The following DUT variants were observed in gnomAD, a reference collection of about 807,000 sequenced individuals.
DUT encodes deoxyuridine 5'-triphosphate nucleotidohydrolase, mitochondrial.
In DUT, 21 loss-of-function variants were observed where a neutral mutation model predicts 28.8. The ratio of observed to expected loss-of-function variants is 0.73; its 90% CI spans 0.52 to 1.05. The LOEUF (loss-of-function observed/expected upper bound fraction) is 1.05, where lower values mean the gene tolerates loss of function less well. Ranked by LOEUF, DUT falls within the 50% of genes least tolerant of loss-of-function variation. DUT has a pLI of 0.00. For synonymous variants in DUT, 147 were observed against 143.7 expected (o/e 1.02, Z -0.17); for missense variants, 344 against 351.8 (o/e 0.98, Z 0.18).
At chr15:48,334,306 C>T in intron 2 of DUT, 111 bp from the exon 3 acceptor site, 1 of 591,766 alleles carries the variant, frequency 1.7e-6, no homozygotes, top group Non-Finnish European at 2.7e-6. Flanking sequence ...ACTAAAGTTG[C>T]ATTAATTCAT....
rs137858655 is a variant in DUT at position 48,334,685 on chromosome 15, C to G, written c.511+177C>G. On this transcript the variant is annotated intron_variant, in intron 3 of 6. Transcript: ENST00000331200. The stretch of plus-strand genomic sequence containing the variant: ...CTTTATTTACATCTCTGCTTTGCCT[C>G]TTTTTGACCCTTTTATTTTTCTCCT... 1.4e-4 allele frequency among the ~76,000 whole-genome samples: 22 copies of G among 152,310 alleles called. No individual in the cohort carries two copies. In the East Asian group the frequency reaches 3.9e-3, roughly 27 times the overall value.
chr15:48,331,821 G>T (rs974032761), intron 1 of DUT, 26 bp downstream of exon 1: 1 of 1,353,800 alleles, frequency 7.4e-7, no homozygotes, highest in South Asian at 1.8e-5. Flanking sequence ...GAGGGGCTCC[G>T]GCCGTCTGGA....
chr15:48,335,865 T>G (rs368368401), intron 3 of DUT, among the ~76,000 whole-genome samples, 181 bp from the exon 4 acceptor site: 18 of 152,350 alleles, frequency 1.2e-4, no homozygotes, highest in East Asian at 3.9e-4. Flanking sequence ...AAACTAGTCT[T>G]TCCAACTTTG....
intron 2 of DUT, 40 bp from the exon 3 acceptor site, chr15:48,334,377 T>C (rs368212041): frequency 3.9e-5 from 52 of 1,338,644 alleles, no homozygotes; most frequent in African/African-American, 5.9e-5. Flanking sequence ...AACAATTTTA[T>C]AAATAGATTT....
At chr15:48,334,896 G>T (rs2141160731) in intron 3 of DUT, among the ~76,000 whole-genome samples, 1 of 152,328 alleles carries the variant, frequency 6.6e-6, no homozygotes, top group African/African-American at 2.4e-5. Context: ...GCACTGGGAG[G>T]AGCTAGGACA....
intron 2 of DUT, 139 bp downstream of exon 2, chr15:48,332,545 CT>C (rs1429514218): frequency 2.0e-5 from 17 of 837,546 alleles, no homozygotes; most frequent in Non-Finnish European, 2.8e-5. Flanking sequence ...AAAATTTTAG[CT>C]TTCATCTTTG....
chr15:48,335,371 T>G (rs2042463894), intron 3 of DUT, among the ~76,000 whole-genome samples: 1 of 152,228 alleles, frequency 6.6e-6, no homozygotes, highest in South Asian at 2.1e-4. Flanking sequence ...TTTCATTTTT[T>G]AGGATTAAAA....
chr15:48,336,547 AC>A, intron 4 of DUT, among the ~76,000 whole-genome samples: 1 of 152,214 alleles, frequency 6.6e-6, no homozygotes, highest in Non-Finnish European at 1.5e-5. Flanking sequence ...CTCAAAGTTA[AC>A]CCTACCTCAT....
At chr15:48,337,559 G>C (rs147457363) in intron 4 of DUT, among the ~76,000 whole-genome samples, 9 of 152,312 alleles carry the variant, frequency 5.9e-5, no homozygotes, top group African/African-American at 2.2e-4. Flanking sequence ...GATTCTGTGA[G>C]ATATAATTTC....
At chr15:48,336,559 G>C (rs889344656) in intron 4 of DUT, among the ~76,000 whole-genome samples, 1 of 152,140 alleles carries the variant, frequency 6.6e-6, no homozygotes, top group African/African-American at 2.4e-5. Flanking sequence ...CCTACCTCAT[G>C]TGGTACCTTT....
intron 4 of DUT, among the ~76,000 whole-genome samples, chr15:48,340,740 AG>A (rs2141168495): frequency 6.6e-6 from 1 of 152,330 alleles, no homozygotes; most frequent in South Asian, 2.1e-4. Context: ...TCAGATTAAA[AG>A]GAGAGGAAGA....
At chr15:48,340,146 G>A (rs1214079285) in intron 4 of DUT, 1 of 152,018 alleles carries the variant, frequency 6.6e-6, no homozygotes, top group Non-Finnish European at 1.5e-5. Context: ...CTTCATCAGG[G>A]CTTTTGTTTG....
chr15:48,333,180 G>A (rs920982228), intron 2 of DUT, among the ~76,000 whole-genome samples: 1 of 151,764 alleles, frequency 6.6e-6, no homozygotes, highest in African/African-American at 2.4e-5. Context: ...CCAAGCATTG[G>A]GATTTATTTT....
intron 2 of DUT, 45 bp from the exon 3 acceptor site, chr15:48,334,372 T>C: frequency 7.6e-7 from 1 of 1,322,716 alleles, no homozygotes; most frequent in Non-Finnish European, 1.0e-6. Context: ...ATAAAAACAA[T>C]TTTATAAATA....
At position 48,332,315 on chromosome 15, in the gene DUT, G is replaced by A. The variant is rs1259629972; in HGVS notation, c.328G>A (p.Gly110Ser). 1.2e-6 allele frequency: 2 copies of A among 1,608,902 alleles called. No individual in the cohort carries two copies. The highest frequency in any genetic ancestry group is 1.7e-6 in the Non-Finnish European group (2 of 1,178,426). Residue 110 changes from glycine to serine, a missense_variant, in exon 2 of 7, where the codon GGC becomes AGC. Gly to Ser is a moderately conservative substitution (Grantham distance 56). Coordinates refer to ENST00000331200, the MANE Select transcript of DUT (RefSeq NM_001025248.2). ...TAAGCGGGCCCGGCCTGCGGAGGTG[G>A]GCGGCATGCAGCTCCGCTTTGCCCG... ...PSKRARPAEV[G>S]GMQLRFARLS...
At position 48,331,739 on chromosome 15, in the gene DUT, C is replaced by A. The variant is rs1203304240; in HGVS notation, c.224C>A (p.Ala75Asp). The A allele has an allele frequency of 4.9e-6, 7 of 1,440,004 alleles. No individual in the cohort carries two copies. In the Admixed American group the frequency reaches 8.3e-5, roughly 17 times the overall value. 89.2% of individuals were successfully genotyped at this position (1,440,004 alleles called of 1,614,324 possible). The change falls in exon 1 of 7, where the codon GCC becomes GAC. Residue 75 changes from alanine to aspartate, a missense_variant. Transcript: ENST00000331200. ...QGCRGASTVG[A>D]AGWKGELPKA... ...TGCCGCGGAGCCAGTACAGTCGGGG[C>A]CGCTGGCTGGAAGGGCGAGCTTCCT...
intron 3 of DUT, among the ~76,000 whole-genome samples, chr15:48,335,037 C>T (rs1026314438): frequency 6.6e-6 from 1 of 152,184 alleles, no homozygotes; most frequent in African/African-American, 2.4e-5. Context: ...GGAGCTGTGA[C>T]GCCCTCCTCC....
Position 48,332,347 on chromosome 15 carries a change from C to G in DUT, c.360C>G (p.Ser120=), listed in dbSNP as rs760045270. 31 of 1,605,686 alleles carry G rather than the reference C, an allele frequency of 1.9e-5. No homozygotes were observed. Among genetic ancestry groups the G allele is most frequent in the Non-Finnish European group, 2.0e-5 (24 of 1,177,144 alleles). The change falls in exon 2 of 7, where the codon TCC becomes TCG. Residue 120 remains serine (S), a synonymous_variant. Transcript: ENST00000331200. The part of the protein sequence containing the change: ...GGMQLRFARL[S]EHATAPTRGS... ...TGCAGCTCCGCTTTGCCCGGCTCTC[C>G]GAGCACGCCACGGCCCCCACCCGGG...
At chr15:48,340,621 C>T (rs982264604) in intron 4 of DUT, among the ~76,000 whole-genome samples, 6 of 152,090 alleles carry the variant, frequency 3.9e-5, no homozygotes, top group Non-Finnish European at 8.8e-5. Flanking sequence ...ATCTTCTCCC[C>T]CTGTGTTCAT....
Sources: gnomAD v4.1 joint callset for allele counts (sites outside exome capture counted in the v4.1 genomes callset) on GRCh38, gnomAD v4.1.1 for gene constraint, MANE v1.5 for transcripts, NCBI Gene and HGNC (gene_info 2026-07-23, HGNC 2026-07-21) for gene names.